DTL: variants seen among roughly 807,000 people sequenced by gnomAD.
DTL encodes denticleless protein homolog.
DTL carries 46 observed loss-of-function variants against 87.0 expected under a neutral mutation model. That is an observed-to-expected ratio of 0.53 (90% confidence interval 0.42 to 0.68). The LOEUF (loss-of-function observed/expected upper bound fraction) is 0.68, where lower values mean the gene tolerates loss of function less well. DTL is among the 30% of genes least tolerant of loss of function. The pLI is 0.00. For missense variants in DTL, 737 were observed against 869.4 expected (o/e 0.85, Z 1.91); for synonymous variants, 308 against 311.2 (o/e 0.99, Z 0.11).
chr1:212,101,353 C>T (rs1180136079), intron 14 of DTL, among the ~76,000 whole-genome samples: 1 of 152,148 alleles, frequency 6.6e-6, no homozygotes, highest in Non-Finnish European at 1.5e-5. Flanking sequence ...TACTTACTCC[C>T]ATTAAAATCC....
Position 212,078,156 on chromosome 1 carries a change from G to T in DTL, c.1036-17G>T. ...CTAATATTGCTTTGCTGACTTGTTTGTTTTTGATTGGACTAGGTCTCCACA... is the reference window on the plus strand; with the variant it reads ...CTAATATTGCTTTGCTGACTTGTTTTTTTTTGATTGGACTAGGTCTCCACA... On this transcript the variant is annotated splice_polypyrimidine_tract_variant and intron_variant, in intron 11 of 14. Coordinates refer to ENST00000366991, the MANE Select transcript of DTL (RefSeq NM_016448.4). The T allele has an allele frequency of 6.6e-7, 1 of 1,513,674 alleles. No homozygotes were observed. The highest frequency in any genetic ancestry group is 9.2e-7 in the Non-Finnish European group (1 of 1,090,574). 93.8% of individuals were successfully genotyped at this position (1,513,674 alleles called of 1,614,324 possible).
intron 3 of DTL, among the ~76,000 whole-genome samples, chr1:212,046,240 C>T (rs1370994495): frequency 6.6e-6 from 1 of 152,152 alleles, no homozygotes; most frequent in Admixed American, 6.5e-5. Context: ...ATTCTCTTTG[C>T]TCATGCCAAA....
At chr1:212,049,066 G>T (rs544889689) in intron 5 of DTL, among the ~76,000 whole-genome samples, 1 of 152,154 alleles carries the variant, frequency 6.6e-6, no homozygotes, top group East Asian at 1.9e-4. Flanking sequence ...GGGATTACAG[G>T]CGTGTACCAC....
chr1:212,048,270 G>A (rs1348787066), intron 5 of DTL, among the ~76,000 whole-genome samples: 2 of 152,024 alleles, frequency 1.3e-5, no homozygotes, highest in African/African-American at 4.8e-5. Flanking sequence ...GCTCACTGCA[G>A]CCTCCATCCC....
chr1:212,087,321 G>A (rs901116153), intron 13 of DTL, among the ~76,000 whole-genome samples: 4 of 152,028 alleles, frequency 2.6e-5, no homozygotes, highest in African/African-American at 9.7e-5. Context: ...AGGCCGAGTG[G>A]GTGGATCACG....
intron 5 of DTL, among the ~76,000 whole-genome samples, chr1:212,052,837 T>G (rs1337946889): frequency 6.6e-6 from 1 of 151,738 alleles, no homozygotes. Context: ...TAAGATAAAA[T>G]GAACAAGCCA....
At chr1:212,092,895 G>A (rs147808951) in intron 13 of DTL, among the ~76,000 whole-genome samples, 1,638 of 152,214 alleles carry the variant, frequency 0.011, 30 homozygotes, top group African/African-American at 0.037. Flanking sequence ...CAGTGTAAAA[G>A]TGTTCCCTTT....
rs780630675 is a variant in DTL, at chr1:212,066,966, T to A, written c.713+81T>A. On this transcript the variant is annotated intron_variant, in intron 8 of 14. Coordinates refer to ENST00000366991, the MANE Select transcript of DTL (RefSeq NM_016448.4). ...AGGCAGTCACATAGTCTCATTATAA[T>A]TGAATGTGTGTGCTTTCAACTGTCA... 9.2e-6 allele frequency: 11 copies of A among 1,192,650 alleles called. No homozygotes were observed. The East Asian group carries it at 1.7e-4, about 18-fold the overall frequency. The allele number at this position is 1,192,650 out of a possible 1,614,324, so 73.9% of individuals were successfully genotyped here.
chr1:212,038,947 A>G (rs764579406), intron 1 of DTL, among the ~76,000 whole-genome samples: 3 of 152,180 alleles, frequency 2.0e-5, no homozygotes, highest in Non-Finnish European at 2.9e-5. Flanking sequence ...CATTTTTTAG[A>G]AAAATACAAA....
chr1:212,062,690 T>C (rs1164417878), intron 5 of DTL, among the ~76,000 whole-genome samples, 194 bp from the exon 6 acceptor site: 1 of 152,230 alleles, frequency 6.6e-6, no homozygotes, highest in African/African-American at 2.4e-5. Flanking sequence ...AAGTTTTGGT[T>C]CAACATTAGC....
intron 10 of DTL, among the ~76,000 whole-genome samples, chr1:212,069,600 C>T (rs1654612067): frequency 6.6e-6 from 1 of 150,802 alleles, no homozygotes; most frequent in African/African-American, 2.4e-5. Context: ...GGCTGGAGTG[C>T]AGTGGTTCGA....
intron 14 of DTL, 136 bp downstream of exon 14, chr1:212,101,220 A>T: frequency 1.6e-6 from 1 of 630,432 alleles, no homozygotes; most frequent in Non-Finnish European, 2.5e-6. Context: ...AATTCAGCAC[A>T]TAAATACAAA....
At chr1:212,066,396 G>C (rs577297064) in intron 7 of DTL, among the ~76,000 whole-genome samples, 2 of 151,972 alleles carry the variant, frequency 1.3e-5, no homozygotes, top group Non-Finnish European at 2.9e-5. Context: ...TCTTTTTCAG[G>C]GCATGAAATA....
At chr1:212,061,864 G>A (rs539977269) in intron 5 of DTL, among the ~76,000 whole-genome samples, 1 of 152,308 alleles carries the variant, frequency 6.6e-6, no homozygotes, top group East Asian at 1.9e-4. Flanking sequence ...GAGTGGGTGT[G>A]AGGGGGGAAT....
Position 212,051,604 on chromosome 1 carries a change from G to C in DTL, c.460+4187G>C, listed in dbSNP as rs113106720. 1.1e-5 allele frequency: 9 copies of C among 815,692 alleles called. No homozygotes were observed. The Admixed American group carries it at 1.3e-4, about 12-fold the overall frequency. 50.5% of individuals were successfully genotyped at this position (815,692 alleles called of 1,614,324 possible). A position where few individuals can be genotyped will look rare whatever the true frequency, so the allele number is the denominator to read the frequency against. On this transcript the variant is annotated intron_variant, in intron 5 of 14. Transcript: ENST00000366991. The stretch of plus-strand genomic sequence containing the variant: ...GTTCTCACAAAGTGTGCTTCTCTGG[G>C]TGGAGCAGGCTGGCGCTTTAGTTGA...
chr1:212,090,478 A>G (rs1172730356), intron 13 of DTL, among the ~76,000 whole-genome samples: 1 of 13,334 alleles, frequency 7.5e-5, no homozygotes, highest in African/African-American at 1.6e-4. Context: ...TTTGTGACTG[A>G]GAATAAATAA....
rs1458914283 is a variant in DTL at position 212,065,940 on chromosome 1, C to T, written c.640-872C>T. Reference sequence around the variant, plus strand: ...CAGGATAGCCTCAATCTCCTGACCTCGTGAGCCTCCCAAAGTGCTGGGATT... The same window carrying T: ...CAGGATAGCCTCAATCTCCTGACCTTGTGAGCCTCCCAAAGTGCTGGGATT... On this transcript the variant is annotated intron_variant, in intron 7 of 14. Transcript: ENST00000366991. 2.0e-5 allele frequency among the ~76,000 whole-genome samples: 3 copies of T among 152,108 alleles called. No homozygotes were observed. In the East Asian group the frequency reaches 5.8e-4, roughly 29 times the overall value.
Position 212,054,405 on chromosome 1 carries a change from C to A in DTL, c.460+6988C>A, listed in dbSNP as rs1480113930. On this transcript the variant is annotated intron_variant, in intron 5 of 14. Transcript: ENST00000366991. ...GCTGTCCTCAAGGTAAAACCACACA[C>A]ACAAAAAAAAAAAAAACACCAAAAA... is the stretch of plus-strand genomic sequence containing the variant. 3.6e-4 allele frequency among the ~76,000 whole-genome samples: 48 copies of A among 131,516 alleles called. No homozygotes were observed. The East Asian group carries it at 4.8e-3, about 13-fold the overall frequency. 86.3% of individuals were successfully genotyped at this position (131,516 alleles called of 152,430 possible).
chr1:212,053,128 A>G (rs1003607113), intron 5 of DTL, among the ~76,000 whole-genome samples: 8 of 151,654 alleles, frequency 5.3e-5, no homozygotes, highest in Middle Eastern at 3.4e-3. Flanking sequence ...GTTCAGTTCT[A>G]TTTTTCTCTC....
Sources: gnomAD v4.1 joint callset for allele counts (sites outside exome capture counted in the v4.1 genomes callset) on GRCh38, gnomAD v4.1.1 for gene constraint, MANE v1.5 for transcripts, NCBI Gene and HGNC (gene_info 2026-07-23, HGNC 2026-07-21) for gene names.